SIX1: variants seen among roughly 807,000 people sequenced by gnomAD.
The protein encoded by SIX1 is homeobox protein SIX1.
A neutral mutation model predicts 26.5 loss-of-function variants in SIX1; 11 were observed. The ratio of observed to expected loss-of-function variants is 0.41; its 90% CI spans 0.26 to 0.69. The LOEUF is 0.69. Ranked by LOEUF, SIX1 falls within the 30% of genes least tolerant of loss-of-function variation. The pLI is 0.28. For synonymous variants in SIX1, 177 were observed against 166.2 expected, an observed-to-expected ratio of 1.06 and a Z score of -0.50; for missense variants, 333 against 365.9, an observed-to-expected ratio of 0.91 and a Z score of 0.73.
rs1894981794 is a variant in SIX1 at position 60,648,091 on chromosome 14, T to C, written c.560+539A>G. 6.6e-6 allele frequency among the ~76,000 whole-genome samples: 1 copy of C among 152,124 alleles called. No individual in the cohort carries two copies. The highest frequency in any genetic ancestry group is 2.1e-4 in the South Asian group (1 of 4,816). On this transcript the variant is annotated intron_variant, in intron 1 of 1. Transcript: ENST00000645694. The surrounding 1 kb of genome is among the most constrained non-coding windows in gnomAD (Gnocchi z 7.9). ...TTGTATCTTTAAAAGTCTCCTCCAT[T>C]TGTCCAGCTAGTGAGAAATGAAGCA...
Position 60,647,926 on chromosome 14 carries a change from G to A in SIX1, c.560+704C>T, listed in dbSNP as rs1311201640. On this transcript the variant is annotated intron_variant, in intron 1 of 1. Transcript: ENST00000645694. This position sits in a 1 kb window ranked among gnomAD's most constrained non-coding sequence, Gnocchi z 5.1. ...CGACTGGAGACCCTTTCCTCGTCTG[G>A]GCATGCGGCGCGGTCAGCCAGACCG... is the stretch of plus-strand genomic sequence containing the variant. Among the ~76,000 whole-genome samples, 1 of 152,226 alleles carries A rather than the reference G, an allele frequency of 6.6e-6. No homozygotes were observed. The highest frequency in any genetic ancestry group is 2.4e-5 in the African/African-American group (1 of 41,450).
Position 60,649,462 on chromosome 14 carries a change from A to T in SIX1, c.-273T>A. On this transcript the variant is annotated 5_prime_UTR_variant, in exon 1 of 2. Coordinates refer to ENST00000645694, the MANE Select transcript of SIX1 (RefSeq NM_005982.4). The surrounding 1 kb of genome is among the most constrained non-coding windows in gnomAD (Gnocchi z 5.1). ...GACCTCCCGCCCGGTGGATGCTGCT[A>T]GTTGCCGGGGAACTTGGTTTCTGTT... The T allele has an allele frequency of 2.5e-6, 1 of 405,538 alleles. No individual in the cohort carries two copies. Among genetic ancestry groups the T allele is most frequent in the Admixed American group, 4.2e-5 (1 of 23,678 alleles). The allele number at this position is 405,538 out of a possible 1,614,324, so 25.1% of individuals were successfully genotyped here.
In SIX1 at chr14:60,649,233, G is replaced by A. The variant is rs1317332630; in HGVS notation, c.-44C>T. The A allele has an allele frequency of 6.3e-7, 1 of 1,579,138 alleles. No homozygotes were observed. The highest frequency in any genetic ancestry group is 8.6e-7 in the Non-Finnish European group (1 of 1,165,580). On this transcript the variant is annotated 5_prime_UTR_variant, in exon 1 of 2. Coordinates refer to ENST00000645694, the MANE Select transcript of SIX1 (RefSeq NM_005982.4). This position sits in a 1 kb window ranked among gnomAD's most constrained non-coding sequence, Gnocchi z 5.1. ...CGCACGGCCCAGGCGCACGCGGCAGGGAGCAGAGCCGAGAGGCAGGGGGCG... is the reference window on the plus strand; with the variant it reads ...CGCACGGCCCAGGCGCACGCGGCAGAGAGCAGAGCCGAGAGGCAGGGGGCG...
Position 60,647,188 on chromosome 14 carries a change from G to A in SIX1, c.561-611C>T, listed in dbSNP as rs559555038. On this transcript the variant is annotated intron_variant, in intron 1 of 1. Coordinates refer to ENST00000645694, the MANE Select transcript of SIX1 (RefSeq NM_005982.4). This position sits in a 1 kb window ranked among gnomAD's most constrained non-coding sequence, Gnocchi z 5.1. Reference sequence around the variant, plus strand: ...AGTGACCTGAGTAAACACAGGGAGCGCAGCCAGTCTCTGATTTCATCTGGA... The same window carrying A: ...AGTGACCTGAGTAAACACAGGGAGCACAGCCAGTCTCTGATTTCATCTGGA... 6.6e-6 allele frequency among the ~76,000 whole-genome samples: 1 copy of A among 152,352 alleles called. No homozygotes were observed. Among genetic ancestry groups the A allele is most frequent in the African/African-American group, 2.4e-5 (1 of 41,594 alleles).
Position 60,644,518 on chromosome 14 carries a change from T to TC in SIX1, c.*1764dup, listed in dbSNP as rs1418983464. 6.6e-6 allele frequency: 1 copy of TC among 151,872 alleles called. No individual in the cohort carries two copies. The highest frequency in any genetic ancestry group is 2.4e-5 in the African/African-American group (1 of 41,298). The allele number at this position is 151,872 out of a possible 1,614,324, so 9.4% of individuals were successfully genotyped here. A position where few individuals can be genotyped will look rare whatever the true frequency, so the allele number is the denominator to read the frequency against. On this transcript the variant is annotated 3_prime_UTR_variant, in exon 2 of 2. Transcript: ENST00000645694. ...AGTTTTAAAAAATAAGGCCTTGATT[T>TC]CCCCAAGCACACCTCAGTTTTCTAG...
rs886050570 is a variant in SIX1 at position 60,646,003 on chromosome 14, TTTTG to T, written c.*276_*279del. ...GAACTCAGACTGGGTGCCTGGGTGCTTTTGTTTGTTTGGGTTTTTTTTTTTTTTT... is the reference window on the plus strand; with the variant it reads ...GAACTCAGACTGGGTGCCTGGGTGCTTTTGTTTGGGTTTTTTTTTTTTTTT... On this transcript the variant is annotated 3_prime_UTR_variant, in exon 2 of 2. Coordinates refer to ENST00000645694, the MANE Select transcript of SIX1 (RefSeq NM_005982.4). The T allele has an allele frequency of 2.4e-5, 5 of 205,688 alleles. No homozygotes were observed. Among genetic ancestry groups the T allele is most frequent in the African/African-American group, 5.1e-5 (2 of 39,218 alleles). 12.7% of individuals were successfully genotyped at this position (205,688 alleles called of 1,614,324 possible).
In SIX1 at chr14:60,648,716, G is replaced by A. The variant is rs199743522; in HGVS notation, c.474C>T (p.Ala158=). 6.1e-5 allele frequency: 99 copies of A among 1,613,578 alleles called. No homozygotes were observed. The highest frequency in any genetic ancestry group is 1.5e-4 in the Admixed American group (9 of 60,000). Residue 158 remains alanine (A), a synonymous_variant, in exon 1 of 2, where the codon GCC becomes GCT. Transcript: ENST00000645694. The surrounding 1 kb of genome is among the most constrained non-coding windows in gnomAD (Gnocchi z 7.9). ...GGGTGGTGGTGAGGCCGGTGGCCTC[G>A]GCCAGCTCCCGCTTCTCACGCGGCG... is the stretch of plus-strand genomic sequence containing the variant. ...YPSPREKREL[A]EATGLTTTQV...
Position 60,646,327 on chromosome 14 carries a change from G to T in SIX1, c.811C>A (p.Leu271Met). The change falls in exon 2 of 2, where the codon CTG becomes ATG. Residue 271 changes from leucine to methionine, a missense_variant. By Grantham distance (15) the Leu-to-Met change is conservative. Coordinates refer to ENST00000645694, the MANE Select transcript of SIX1 (RefSeq NM_005982.4). ...AGACTGGAGGTGAGGGGGCCGAGCA[G>T]AGAGTCTTGGAGCTGATGCTGGTGG... ...QTHQHQLQDS[L>M]LGPLTSSLVD... 1 of 1,613,684 alleles carries T rather than the reference G, an allele frequency of 6.2e-7. No individual in the cohort carries two copies. The highest frequency in any genetic ancestry group is 8.5e-7 in the Non-Finnish European group (1 of 1,179,728).
At position 60,646,294 on chromosome 14, in the gene SIX1, A is replaced by G. The variant is rs1458638626; in HGVS notation, c.844T>C (p.Leu282=). The change falls in exon 2 of 2, where the codon TTG becomes CTG. Residue 282 remains leucine (L), a synonymous_variant. Transcript: ENST00000645694. ...LGPLTSSLVD[L]GS ...CAGTCCCTCCCCACTTAGGACCCCAAGTCCACCAGACTGGAGGTGAGGGGG... is the reference window on the plus strand; with the variant it reads ...CAGTCCCTCCCCACTTAGGACCCCAGGTCCACCAGACTGGAGGTGAGGGGG... The G allele has an allele frequency of 6.2e-7, 1 of 1,612,392 alleles. No homozygotes were observed. Among genetic ancestry groups the G allele is most frequent in the Non-Finnish European group, 8.5e-7 (1 of 1,179,244 alleles).
chr14:60,646,017 GTT>G lies in SIX1; in HGVS notation c.*264_*265del, dbSNP rs112733948. ...TGCCTGGGTGCTTTTGTTTGTTTGGGTTTTTTTTTTTTTTTTTCCCTGATCTC... is the reference window on the plus strand; with the variant it reads ...TGCCTGGGTGCTTTTGTTTGTTTGGGTTTTTTTTTTTTTTTCCCTGATCTC... On this transcript the variant is annotated 3_prime_UTR_variant, in exon 2 of 2. Coordinates refer to ENST00000645694, the MANE Select transcript of SIX1 (RefSeq NM_005982.4). 0.052 allele frequency: 9,956 copies of G among 193,026 alleles called. 8 individuals are homozygous for G. The highest frequency in any genetic ancestry group is 0.096 in the Middle Eastern group (54 of 564). 12.0% of individuals were successfully genotyped at this position (193,026 alleles called of 1,614,324 possible). A position where few individuals can be genotyped will look rare whatever the true frequency, so the allele number is the denominator to read the frequency against.
Position 60,648,713 on chromosome 14 carries a change from C to T in SIX1, c.477G>A (p.Glu159=), listed in dbSNP as rs1566722077. The change falls in exon 1 of 2, where the codon GAG becomes GAA. Residue 159 remains glutamate (E), a synonymous_variant. Transcript: ENST00000645694. The surrounding 1 kb of genome is among the most constrained non-coding windows in gnomAD (Gnocchi z 7.9). ...PSPREKRELA[E]ATGLTTTQVS... The stretch of plus-strand genomic sequence containing the variant: ...CCTGGGTGGTGGTGAGGCCGGTGGC[C>T]TCGGCCAGCTCCCGCTTCTCACGCG... 1.2e-6 allele frequency: 2 copies of T among 1,613,756 alleles called. No individual in the cohort carries two copies. Among genetic ancestry groups the T allele is most frequent in the South Asian group, 1.1e-5 (1 of 91,058 alleles).
In SIX1 at chr14:60,648,510, G is replaced by A; in HGVS notation, c.560+120C>T. On this transcript the variant is annotated intron_variant, in intron 1 of 1. Coordinates refer to ENST00000645694, the MANE Select transcript of SIX1 (RefSeq NM_005982.4). The surrounding 1 kb of genome is among the most constrained non-coding windows in gnomAD (Gnocchi z 7.9). ...CCGCGGAGGGCCTGCGCGCCGCCCC[G>A]TGGACGGGCTCCGGCCGGCGGGGAG... 1 of 994,654 alleles carries A rather than the reference G, an allele frequency of 1.0e-6. No individual in the cohort carries two copies. The highest frequency in any genetic ancestry group is 1.5e-6 in the Non-Finnish European group (1 of 671,156). 61.6% of individuals were successfully genotyped at this position (994,654 alleles called of 1,614,324 possible).
At position 60,643,745 on chromosome 14, in the gene SIX1, C is replaced by G. The variant is rs1171230392; in HGVS notation, c.*2538G>C. The G allele has an allele frequency of 6.6e-6, 1 of 152,176 alleles. No individual in the cohort carries two copies. The allele number at this position is 152,176 out of a possible 1,614,324, so 9.4% of individuals were successfully genotyped here. ...GCTCGCCCCTTTTACCCAGACTGAG[C>G]CGAGGATGGCGGAAGGAGGCACATT... On this transcript the variant is annotated 3_prime_UTR_variant, in exon 2 of 2. Transcript: ENST00000645694.
At position 60,647,518 on chromosome 14, in the gene SIX1, C is replaced by G. The variant is rs1030391259; in HGVS notation, c.561-941G>C. Among the ~76,000 whole-genome samples the G allele has an allele frequency of 3.3e-5, 5 of 152,240 alleles. No individual in the cohort carries two copies. Among genetic ancestry groups the G allele is most frequent in the African/African-American group, 9.6e-5 (4 of 41,474 alleles). ...GAGTGCTCGTCAGTCCTCCCGACTCCTAGCGCCTGTCTGTCTCCTTTCTTT... is the reference window on the plus strand; with the variant it reads ...GAGTGCTCGTCAGTCCTCCCGACTCGTAGCGCCTGTCTGTCTCCTTTCTTT... On this transcript the variant is annotated intron_variant, in intron 1 of 1. Coordinates refer to ENST00000645694, the MANE Select transcript of SIX1 (RefSeq NM_005982.4). The surrounding 1 kb of genome is among the most constrained non-coding windows in gnomAD (Gnocchi z 5.1).
Position 60,649,316 on chromosome 14 carries a change from GCGAAAAC to G in SIX1, c.-134_-128del, listed in dbSNP as rs1895018125. The G allele has an allele frequency of 2.5e-6, 2 of 797,398 alleles. No homozygotes were observed. Among genetic ancestry groups the G allele is most frequent in the African/African-American group, 1.7e-5 (1 of 57,724 alleles). 49.4% of individuals were successfully genotyped at this position (797,398 alleles called of 1,614,324 possible). ...AACCTCCTCCTTAGGCTTTGCAAAG[GCGAAAAC>G]CGGAGTCGGAACTTGGCGGTGGGCG... On this transcript the variant is annotated 5_prime_UTR_variant, in exon 1 of 2. Transcript: ENST00000645694. The surrounding 1 kb of genome is among the most constrained non-coding windows in gnomAD (Gnocchi z 5.1).
Position 60,646,359 on chromosome 14 carries a change from A to C in SIX1, c.779T>G (p.Leu260Arg), listed in dbSNP as rs370259896. The C allele has an allele frequency of 6.2e-7, 1 of 1,614,086 alleles. No homozygotes were observed. The highest frequency in any genetic ancestry group is 8.5e-7 in the Non-Finnish European group (1 of 1,180,032). Reference protein sequence around the residue: ...GLTASQPSHGLQTHQHQLQDS... With the variant: ...GLTASQPSHGRQTHQHQLQDS... ...TTGGAGCTGATGCTGGTGGGTCTGC[A>C]GGCCGTGACTGGGCTGCGAGGCTGT... The change falls in exon 2 of 2, where the codon CTG becomes CGG. Residue 260 changes from leucine to arginine, a missense_variant. Around this residue, in one of 3 missense-constraint regions of SIX1, gnomAD observed 199 missense variants for 215.2 expected, o/e 0.92. Coordinates refer to ENST00000645694, the MANE Select transcript of SIX1 (RefSeq NM_005982.4).
chr14:60,644,923 T>G lies in SIX1; in HGVS notation c.*1360A>C, dbSNP rs1894913910. On this transcript the variant is annotated 3_prime_UTR_variant, in exon 2 of 2. Coordinates refer to ENST00000645694, the MANE Select transcript of SIX1 (RefSeq NM_005982.4). ...ATTCACAATGTTTCTATCCTTGTTC[T>G]CCTTCCCTTTTTTGTCTTCAAGCAG... 1.3e-5 allele frequency: 2 copies of G among 152,252 alleles called. No individual in the cohort carries two copies. The highest frequency in any genetic ancestry group is 2.4e-5 in the African/African-American group (1 of 41,470). 9.4% of individuals were successfully genotyped at this position (152,252 alleles called of 1,614,324 possible). A position where few individuals can be genotyped will look rare whatever the true frequency, so the allele number is the denominator to read the frequency against.
rs931309719 is a variant in SIX1, at chr14:60,643,956, C to G, written c.*2327G>C. ...CGGATCTGCAGACATTTCCAAGATTCACCAACTAAGGGAGCAGGAAGTGGG... is the reference window on the plus strand; with the variant it reads ...CGGATCTGCAGACATTTCCAAGATTGACCAACTAAGGGAGCAGGAAGTGGG... On this transcript the variant is annotated 3_prime_UTR_variant, in exon 2 of 2. Transcript: ENST00000645694. 1 of 152,214 alleles carries G rather than the reference C, an allele frequency of 6.6e-6. No individual in the cohort carries two copies. Among genetic ancestry groups the G allele is most frequent in the Non-Finnish European group, 1.5e-5 (1 of 68,050 alleles). 9.4% of individuals were successfully genotyped at this position (152,214 alleles called of 1,614,324 possible).
chr14:60,645,283 A>C lies in SIX1; in HGVS notation c.*1000T>G, dbSNP rs1451496755. 6.6e-6 allele frequency: 1 copy of C among 152,144 alleles called. No individual in the cohort carries two copies. Among genetic ancestry groups the C allele is most frequent in the Admixed American group, 6.5e-5 (1 of 15,278 alleles). 9.4% of individuals were successfully genotyped at this position (152,144 alleles called of 1,614,324 possible). ...GAATCATACTCCTGGTGTTCTACTAAGTTTTAATTTAGACTGCTTTAGGTA... is the reference window on the plus strand; with the variant it reads ...GAATCATACTCCTGGTGTTCTACTACGTTTTAATTTAGACTGCTTTAGGTA... On this transcript the variant is annotated 3_prime_UTR_variant, in exon 2 of 2. Coordinates refer to ENST00000645694, the MANE Select transcript of SIX1 (RefSeq NM_005982.4). This position sits in a 1 kb window ranked among gnomAD's most constrained non-coding sequence, Gnocchi z 4.6.
Sources: gnomAD v4.1 joint callset for allele counts (sites outside exome capture counted in the v4.1 genomes callset) on GRCh38, gnomAD v4.1.1 for gene constraint, gnomAD v4.1.1 regional missense constraint, Gnocchi (gnomAD v3.1) non-coding constraint, MANE v1.5 for transcripts, NCBI Gene and HGNC (gene_info 2026-07-23, HGNC 2026-07-21) for gene names.